Variants in CFAP144 observed in about 807,000 individuals in gnomAD.
CFAP144 encodes the protein cilia and flagella associated protein 144, also known as cilia- and flagella-associated protein 144.
chr1:43,147,818 CG>C, the CFAP144 span: 3 of 1,511,212 alleles, frequency 2.0e-6, no homozygotes, highest in Non-Finnish European at 1.8e-6. Flanking sequence ...GAGTGAGACC[CG>C]CCCCGACCGG....
the CFAP144 span, chr1:43,148,123 G>T: frequency 6.3e-7 from 1 of 1,598,082 alleles, no homozygotes; most frequent in Non-Finnish European, 8.5e-7. Context: ...GCGAGAGCGG[G>T]AGGGCGCCGG....
the CFAP144 span, among the ~76,000 whole-genome samples, chr1:43,143,081 G>A: frequency 1.3e-5 from 2 of 152,062 alleles, no homozygotes; most frequent in Non-Finnish European, 2.9e-5. Context: ...TACACCATAG[G>A]TAGTTTTTCA....
At chr1:43,145,323 T>C in the CFAP144 span, 1 of 1,509,930 alleles carries the variant, frequency 6.6e-7, no homozygotes, top group Non-Finnish European at 9.0e-7. Context: ...CTGCCCTGCA[T>C]TCAAGTGAGT....
the CFAP144 span, among the ~76,000 whole-genome samples, chr1:43,154,400 GTATACATATATACGCACATATACACACA>G: frequency 3.6e-5 from 3 of 84,018 alleles, no homozygotes; most frequent in Admixed American, 3.9e-4. Context: ...ACACATATAT[GTATACATATATACGCACATATACACACA>G]CATATATGTA....
At chr1:43,147,820 C>G in the CFAP144 span, 1 of 1,513,534 alleles carries the variant, frequency 6.6e-7, no homozygotes, top group Non-Finnish European at 8.8e-7. Context: ...GTGAGACCCG[C>G]CCCGACCGGG....
the CFAP144 span, chr1:43,156,350 C>T: frequency 1.4e-6 from 2 of 1,464,032 alleles, no homozygotes; most frequent in Non-Finnish European, 1.9e-6. Context: ...GATCTAATGC[C>T]TTAAGTGTGC....
the CFAP144 span, chr1:43,147,872 C>T: frequency 6.4e-6 from 10 of 1,573,110 alleles, no homozygotes; most frequent in South Asian, 1.0e-4. Flanking sequence ...CACGGGACGC[C>T]GTTGCCTGGA....
chr1:43,145,697 A>C, the CFAP144 span, among the ~76,000 whole-genome samples: 7 of 152,250 alleles, frequency 4.6e-5, no homozygotes, highest in Non-Finnish European at 7.3e-5. Flanking sequence ...GATTCAATAT[A>C]ATCTCAATAA....
At chr1:43,156,116 A>C in the CFAP144 span, 1 of 1,017,906 alleles carries the variant, frequency 9.8e-7, no homozygotes. Context: ...GGGAGGGTGG[A>C]GCCTGATATA....
the CFAP144 span, among the ~76,000 whole-genome samples, chr1:43,147,645 C>A: frequency 6.6e-6 from 1 of 152,196 alleles, no homozygotes; most frequent in East Asian, 1.9e-4. Flanking sequence ...TGCCCCTTGC[C>A]GGGAAGCCCT....
At chr1:43,145,394 G>A in the CFAP144 span, 3 of 962,996 alleles carry the variant, frequency 3.1e-6, no homozygotes, top group Non-Finnish European at 4.9e-6. Context: ...TGGGGACTTA[G>A]GTTTGTTTCC....
the CFAP144 span, among the ~76,000 whole-genome samples, chr1:43,145,728 A>G: frequency 6.6e-6 from 1 of 152,242 alleles, no homozygotes; most frequent in Non-Finnish European, 1.5e-5. Flanking sequence ...AGATATTTTT[A>G]GGGAACTTGA....
At chr1:43,152,933 T>G in the CFAP144 span, 1 of 1,610,228 alleles carries the variant, frequency 6.2e-7, no homozygotes, top group Middle Eastern at 1.7e-4. Flanking sequence ...GAGCCCTTGG[T>G]AAGCGTGGCT....
the CFAP144 span, among the ~76,000 whole-genome samples, chr1:43,154,538 G>A: frequency 1.3e-5 from 2 of 151,680 alleles, no homozygotes; most frequent in Non-Finnish European, 2.9e-5. Flanking sequence ...AGGAGGTGGG[G>A]AGGTAACATC....
chr1:43,146,888 C>G, the CFAP144 span, among the ~76,000 whole-genome samples: 4 of 152,208 alleles, frequency 2.6e-5, no homozygotes, highest in African/African-American at 7.2e-5. Flanking sequence ...CTCTGTCCCC[C>G]AGGCTGGAGT....
At chr1:43,149,602 G>A in the CFAP144 span, among the ~76,000 whole-genome samples, 4 of 152,116 alleles carry the variant, frequency 2.6e-5, no homozygotes, top group South Asian at 2.1e-4. Context: ...GTCCAAAGCC[G>A]TTCAAACTCG....
the CFAP144 span, chr1:43,152,651 C>G: frequency 1.7e-6 from 1 of 597,424 alleles, no homozygotes; most frequent in Non-Finnish European, 2.8e-6. Context: ...TTTGAGCTCA[C>G]CACATATTTG....
the CFAP144 span, chr1:43,148,099 G>C: frequency 6.2e-7 from 1 of 1,611,208 alleles, no homozygotes; most frequent in Admixed American, 1.7e-5. Flanking sequence ...GAGGCACGGC[G>C]GGGTGGGGGA....
At chr1:43,151,668 T>C in the CFAP144 span, among the ~76,000 whole-genome samples, 1 of 151,922 alleles carries the variant, frequency 6.6e-6, no homozygotes, top group Non-Finnish European at 1.5e-5. Context: ...AGGAGAGATA[T>C]TTGGTGGAAA....
Sources: allele counts gnomAD v4.1 joint callset (sites outside exome capture counted in the v4.1 genomes callset), GRCh38; gene constraint gnomAD v4.1.1; transcripts MANE v1.5; gene names NCBI Gene and HGNC (gene_info 2026-07-23, HGNC 2026-07-21).